The following ANKFY1 variants were observed in gnomAD, a reference collection of about 807,000 sequenced individuals.
ANKFY1 encodes ankyrin repeat and FYVE domain containing 1.
In ANKFY1, 47 loss-of-function variants were observed where a neutral mutation model predicts 128.3. The ratio of observed to expected loss-of-function variants is 0.37; its 90% CI spans 0.29 to 0.47. ANKFY1 has a LOEUF of 0.47. Ranked by LOEUF, ANKFY1 falls within the 20% of genes least tolerant of loss-of-function variation. The pLI, the probability that ANKFY1 is intolerant of heterozygous loss-of-function variation, is 1.00. For missense variants in ANKFY1, 1,222 were observed against 1,510.6 expected (o/e 0.81, Z 3.17); for synonymous variants, 553 against 601.6 (o/e 0.92, Z 1.18).
At position 4,195,569 on chromosome 17, in the gene ANKFY1, G is replaced by T. The variant is rs754013098; in HGVS notation, c.1104-98C>A. 4.6e-6 allele frequency: 4 copies of T among 876,100 alleles called. No homozygotes were observed. The African/African-American group carries it at 5.0e-5, about 11-fold the overall frequency. The allele number at this position is 876,100 out of a possible 1,614,324, so 54.3% of individuals were successfully genotyped here. ...AGAATCCCAGGCAGAATCACCACCCGCAAGAAATCCCACATTTCTACAAGG... is the reference window on the plus strand; with the variant it reads ...AGAATCCCAGGCAGAATCACCACCCTCAAGAAATCCCACATTTCTACAAGG... On this transcript the variant is annotated intron_variant, in intron 8 of 24. Transcript: ENST00000341657.
intron 1 of ANKFY1, among the ~76,000 whole-genome samples, chr17:4,256,731 T>TCTGCAA (rs1358102026): frequency 6.6e-6 from 1 of 152,194 alleles, no homozygotes; most frequent in African/African-American, 2.4e-5. Context: ...TTCTGCAAGT[T>TCTGCAA]CCATTAAGGT....
intron 1 of ANKFY1, among the ~76,000 whole-genome samples, chr17:4,256,828 T>C (rs1039556101): frequency 9.2e-5 from 14 of 152,212 alleles, no homozygotes; most frequent in African/African-American, 2.9e-4. Context: ...GCAATTCAAC[T>C]CTGCTAGGTT....
chr17:4,190,684 A>T (rs2059701165), intron 10 of ANKFY1, among the ~76,000 whole-genome samples: 1 of 152,214 alleles, frequency 6.6e-6, no homozygotes, highest in African/African-American at 2.4e-5. Context: ...CTTGGAAAGA[A>T]AAAAATGAGT....
rs748214270 is a variant in ANKFY1 at position 4,235,837 on chromosome 17, A to G, written c.257T>C (p.Leu86Pro). 1 of 1,614,236 alleles carries G rather than the reference A, an allele frequency of 6.2e-7. No individual in the cohort carries two copies. The highest frequency in any genetic ancestry group is 1.1e-5 in the South Asian group (1 of 91,084). Residue 86 changes from leucine to proline, a missense_variant, in exon 3 of 25, where the codon CTG (leucine) becomes CCG (proline). Coordinates refer to ENST00000341657, the MANE Select transcript of ANKFY1 (RefSeq NM_001330063.2). ...DRHISAHKFV[L>P]AARSDSWSLA... ...ACTCCAGCTGTCACTGCGGGCTGCC[A>G]GGACAAACTTGTGAGCACTGATGTG...
At chr17:4,174,085 G>C (rs769543906) in intron 19 of ANKFY1, 29 bp from the exon 20 acceptor site, 1 of 1,609,496 alleles carries the variant, frequency 6.2e-7, no homozygotes, top group Non-Finnish European at 8.5e-7. Context: ...TGAACAGTCA[G>C]TCTCTCTGCC....
intron 3 of ANKFY1, 59 bp from the exon 4 acceptor site, chr17:4,217,177 C>T: frequency 1.3e-6 from 2 of 1,574,928 alleles, no homozygotes; most frequent in African/African-American, 1.4e-5. Flanking sequence ...TAGACTTTCT[C>T]AAGGGATCCC....
chr17:4,247,096 CAGAG>C (rs1288161631), intron 1 of ANKFY1, among the ~76,000 whole-genome samples: 2 of 146,132 alleles, frequency 1.4e-5, no homozygotes, highest in Non-Finnish European at 1.5e-5. Flanking sequence ...GCCTGGGTGA[CAGAG>C]AGAGACCCTG....
rs1598081085 is a variant in ANKFY1, at chr17:4,209,846, G to A, written c.560C>T (p.Ala187Val). The A allele has an allele frequency of 6.2e-7, 1 of 1,613,706 alleles. No homozygotes were observed. The highest frequency in any genetic ancestry group is 8.5e-7 in the Non-Finnish European group (1 of 1,179,718). ...CACCCAATGACTTGCAATAATTTCTGCACAGTAGTTCATCAGTGTGCTGGC... is the reference window on the plus strand; with the variant it reads ...CACCCAATGACTTGCAATAATTTCTACACAGTAGTTCATCAGTGTGCTGGC... ...LNASTLMNYC[A>V]EIIASHWDDL... The change falls in exon 5 of 25, where the codon GCA becomes GTA. Residue 187 changes from alanine to valine, a missense_variant. Transcript: ENST00000341657.
chr17:4,198,058 G>T (rs1224802273), intron 7 of ANKFY1, among the ~76,000 whole-genome samples: 1 of 151,946 alleles, frequency 6.6e-6, no homozygotes, highest in Non-Finnish European at 1.5e-5. Context: ...GAACCCAGGG[G>T]GTGGAGGTTG....
At chr17:4,263,628 G>C in intron 1 of ANKFY1, 4 of 1,535,020 alleles carry the variant, frequency 2.6e-6, no homozygotes, top group Non-Finnish European at 3.5e-6. Context: ...CGGCAATCAA[G>C]AGCCTCCCGT....
chr17:4,239,936 T>C (rs1235673803), intron 2 of ANKFY1, among the ~76,000 whole-genome samples: 1 of 152,232 alleles, frequency 6.6e-6, no homozygotes, highest in African/African-American at 2.4e-5. Flanking sequence ...TTCACATCTG[T>C]GTTTCTTTGC....
chr17:4,242,561 G>T, intron 1 of ANKFY1, 113 bp from the exon 2 acceptor site: 1 of 907,568 alleles, frequency 1.1e-6, no homozygotes, highest in Non-Finnish European at 1.6e-6. Flanking sequence ...CCACTTGACC[G>T]TTCCACTCTT....
intron 2 of ANKFY1, among the ~76,000 whole-genome samples, chr17:4,238,504 A>T: frequency 6.7e-6 from 1 of 150,042 alleles, no homozygotes. Context: ...GATGGAGTTC[A>T]CTCTTGTTGC....
intron 1 of ANKFY1, among the ~76,000 whole-genome samples, chr17:4,244,882 T>C (rs934309945): frequency 2.0e-5 from 3 of 152,108 alleles, no homozygotes; most frequent in African/African-American, 4.8e-5. Context: ...AAGTCTCTTA[T>C]CTATTAAAGC....
At position 4,194,986 on chromosome 17, in the gene ANKFY1, G is replaced by GT. The variant is rs1567931006; in HGVS notation, c.1363dup (p.Thr455AsnfsTer100). On this transcript the variant is annotated frameshift_variant, in exon 10 of 25. Transcript: ENST00000341657. LOFTEE classifies it high-confidence loss of function. ...GGAGGCACGTGCTTTACCTGTCGCC[G>GT]TGTCAGGTGCGTCTGTGTGGCTGCC... is the stretch of plus-strand genomic sequence containing the variant. 6.2e-7 allele frequency: 1 copy of GT among 1,614,168 alleles called. No homozygotes were observed. The highest frequency in any genetic ancestry group is 1.7e-5 in the Admixed American group (1 of 60,022).
intron 1 of ANKFY1, among the ~76,000 whole-genome samples, chr17:4,253,489 G>A (rs143295537): frequency 2.0e-5 from 3 of 152,234 alleles, no homozygotes; most frequent in East Asian, 1.9e-4. Context: ...GGGATGTACC[G>A]TGACATCTTT....
rs2059478566 is a variant in ANKFY1, at chr17:4,179,892, G to A, written c.2241-15C>T. 3.7e-6 allele frequency: 6 copies of A among 1,613,738 alleles called. No individual in the cohort carries two copies. The East Asian group carries it at 8.9e-5, about 24-fold the overall frequency. ...CGTCACAGCCACTGAAAGGAATGGGGACATTTTAAAAAACGCCACGCTTGG... is the reference window on the plus strand; with the variant it reads ...CGTCACAGCCACTGAAAGGAATGGGAACATTTTAAAAAACGCCACGCTTGG... On this transcript the variant is annotated splice_polypyrimidine_tract_variant and intron_variant, in intron 16 of 24. Coordinates refer to ENST00000341657, the MANE Select transcript of ANKFY1 (RefSeq NM_001330063.2).
chr17:4,223,594 A>G, intron 3 of ANKFY1: 1 of 1,299,210 alleles, frequency 7.7e-7, no homozygotes, highest in Admixed American at 1.7e-5. Flanking sequence ...GGGCCTTTGG[A>G]GTGATGCTGT....
intron 1 of ANKFY1, among the ~76,000 whole-genome samples, chr17:4,253,919 G>GT (rs1195100959): frequency 6.6e-6 from 1 of 152,130 alleles, no homozygotes; most frequent in African/African-American, 2.4e-5. Flanking sequence ...ACCTGGGAAT[G>GT]TTACCTTATA....
Sources: allele counts gnomAD v4.1 joint callset (sites outside exome capture counted in the v4.1 genomes callset), GRCh38; gene constraint gnomAD v4.1.1; transcripts MANE v1.5; gene names NCBI Gene and HGNC (gene_info 2026-07-23, HGNC 2026-07-21).